The following MCTP2 variants were observed in gnomAD, a reference collection of about 807,000 sequenced individuals.
MCTP2 encodes the protein multiple C2 and transmembrane domain containing 2.
MCTP2 carries 132 observed loss-of-function variants against 111.6 expected under a neutral mutation model. That is an observed-to-expected ratio of 1.18 (90% CI 1.03 to 1.37). MCTP2 has a LOEUF of 1.37. Among genes scored for constraint, MCTP2 ranks in the 40% most tolerant of loss-of-function variants. The pLI, the probability that MCTP2 is intolerant of heterozygous loss-of-function variation, is 0.00. For synonymous variants in MCTP2, 395 were observed against 387.7 expected (o/e 1.02, Z -0.22); for missense variants, 1,183 against 1,067.9 (o/e 1.11, Z -1.50).
At chr15:94,380,427 G>T (rs1246643441) in intron 12 of MCTP2, among the ~76,000 whole-genome samples, 6 of 152,104 alleles carry the variant, frequency 3.9e-5, no homozygotes, top group African/African-American at 7.2e-5. Context: ...GTATTTCAGG[G>T]TCAGTTTAGT....
chr15:94,251,578 C>G (rs376054925), intron 1 of MCTP2, among the ~76,000 whole-genome samples: 1 of 152,108 alleles, frequency 6.6e-6, no homozygotes, highest in Non-Finnish European at 1.5e-5. Context: ...AGGCTGGTGT[C>G]GAACTCCCGA....
chr15:94,248,202 G>T (rs2072154078), intron 1 of MCTP2, among the ~76,000 whole-genome samples: 1 of 151,990 alleles, frequency 6.6e-6, no homozygotes, highest in South Asian at 2.1e-4. Context: ...TCTGTGCAAA[G>T]GTCACATTAT....
At chr15:94,290,722 CACACAA>C (rs1474257092) in intron 1 of MCTP2, among the ~76,000 whole-genome samples, 2 of 152,124 alleles carry the variant, frequency 1.3e-5, no homozygotes. Flanking sequence ...AAATAAAACC[CACACAA>C]ACACAAACCA....
chr15:94,336,146 G>A (rs969942544), intron 4 of MCTP2, among the ~76,000 whole-genome samples: 1 of 152,114 alleles, frequency 6.6e-6, no homozygotes, highest in African/African-American at 2.4e-5. Context: ...TGGATAGATT[G>A]AAATGCATGC....
At position 94,245,369 on chromosome 15, in the gene MCTP2, C is replaced by T. The variant is rs1340536809; in HGVS notation, c.-66+13705C>T. Among the ~76,000 whole-genome samples, 4 of 135,834 alleles carry T rather than the reference C, an allele frequency of 2.9e-5. No homozygotes were observed. In the South Asian group the frequency reaches 9.2e-4, roughly 31 times the overall value. The allele number at this position is 135,834 out of a possible 152,430, so 89.1% of individuals were successfully genotyped here. A position where few individuals can be genotyped will look rare whatever the true frequency, so the allele number is the denominator to read the frequency against. ...TTACATACATATGTATATATATTTACATACATATGTATATGTATTTATATA... is the reference window on the plus strand; with the variant it reads ...TTACATACATATGTATATATATTTATATACATATGTATATGTATTTATATA... On this transcript the variant is annotated intron_variant, in intron 1 of 22. Transcript: ENST00000357742.
At chr15:94,404,888 CAG>C (rs1330296063) in intron 17 of MCTP2, among the ~76,000 whole-genome samples, 2 of 152,180 alleles carry the variant, frequency 1.3e-5, no homozygotes, top group African/African-American at 2.4e-5. Flanking sequence ...CCATATCTGT[CAG>C]GGGTGACACA....
intron 1 of MCTP2, among the ~76,000 whole-genome samples, chr15:94,295,677 T>C (rs1248813565): frequency 1.3e-5 from 2 of 152,204 alleles, no homozygotes. Context: ...CAACGGACTT[T>C]TCAGTTATTT....
At chr15:94,318,709 A>G (rs2076494366) in intron 4 of MCTP2, among the ~76,000 whole-genome samples, 2 of 152,114 alleles carry the variant, frequency 1.3e-5, no homozygotes, top group Admixed American at 1.3e-4. Flanking sequence ...TTCTCTATCA[A>G]ACTGATGCAG....
At chr15:94,367,346 C>A (rs1310088759) in intron 10 of MCTP2, among the ~76,000 whole-genome samples, 1 of 152,120 alleles carries the variant, frequency 6.6e-6, no homozygotes, top group Non-Finnish European at 1.5e-5. Flanking sequence ...TGGCAAGGAT[C>A]CACTCCTCTC....
intron 1 of MCTP2, among the ~76,000 whole-genome samples, chr15:94,293,848 A>G (rs2075137969): frequency 6.6e-6 from 1 of 152,200 alleles, no homozygotes; most frequent in Admixed American, 6.5e-5. Flanking sequence ...ATGACCCAGC[A>G]ATCTCACTCT....
chr15:94,398,670 T>C (rs976716419), intron 14 of MCTP2, among the ~76,000 whole-genome samples: 2 of 152,218 alleles, frequency 1.3e-5, no homozygotes, highest in Non-Finnish European at 2.9e-5. Context: ...TTGTAGAATA[T>C]TCATCATTTT....
chr15:94,402,808 T>G, intron 17 of MCTP2: 8 of 1,376,164 alleles, frequency 5.8e-6, no homozygotes, highest in Non-Finnish European at 7.5e-6. Flanking sequence ...TTCATTTCTG[T>G]CCTGTGCAAA....
intron 13 of MCTP2, among the ~76,000 whole-genome samples, chr15:94,384,608 C>A (rs1268537601): frequency 6.6e-6 from 1 of 152,166 alleles, no homozygotes; most frequent in African/African-American, 2.4e-5. Context: ...ATTTAGGAGG[C>A]TGGATAGATT....
chr15:94,353,514 ATTATT>A (rs1369438649), intron 8 of MCTP2, among the ~76,000 whole-genome samples: 4 of 152,134 alleles, frequency 2.6e-5, no homozygotes, highest in African/African-American at 9.7e-5. Context: ...AAGCCGCAAA[ATTATT>A]TTAGGGCATA....
At chr15:94,478,089 A>G (rs145574660) in intron 22 of MCTP2, among the ~76,000 whole-genome samples, 89 of 152,342 alleles carry the variant, frequency 5.8e-4, no homozygotes, top group Non-Finnish European at 1.1e-3. Context: ...CTGTAATACA[A>G]TGTTTTAAAT....
intron 1 of MCTP2, among the ~76,000 whole-genome samples, chr15:94,252,177 C>A (rs571041421): frequency 2.0e-4 from 30 of 152,274 alleles, no homozygotes; most frequent in African/African-American, 7.2e-4. Flanking sequence ...TGGTTATTTT[C>A]TTGAAGAACT....
intron 22 of MCTP2, among the ~76,000 whole-genome samples, chr15:94,477,050 C>G (rs1438429755): frequency 6.6e-6 from 1 of 152,204 alleles, no homozygotes; most frequent in East Asian, 1.9e-4. Flanking sequence ...GGCACTGATG[C>G]TTGTCCCCTT....
intron 20 of MCTP2, among the ~76,000 whole-genome samples, chr15:94,466,675 A>G (rs1332648265): frequency 1.3e-5 from 2 of 152,168 alleles, no homozygotes; most frequent in Admixed American, 6.6e-5. Flanking sequence ...GACAACAGAA[A>G]GCAGCTCAGA....
chr15:94,283,379 A>G (rs2074592435), intron 1 of MCTP2, among the ~76,000 whole-genome samples: 1 of 150,488 alleles, frequency 6.6e-6, no homozygotes, highest in South Asian at 2.1e-4. Context: ...TTTCATGGCC[A>G]TGCTCCATGG....
Sources: allele counts gnomAD v4.1 joint callset (sites outside exome capture counted in the v4.1 genomes callset), GRCh38; gene constraint gnomAD v4.1.1; transcripts MANE v1.5; gene names NCBI Gene and HGNC (gene_info 2026-07-23, HGNC 2026-07-21).